FHIT: variants seen among roughly 807,000 people sequenced by gnomAD.
FHIT encodes bis(5'-adenosyl)-triphosphatase.
A neutral mutation model predicts 17.9 loss-of-function variants in FHIT; 19 were observed. The observed-to-expected ratio is 1.06, with a 90% CI of 0.74 to 1.56. FHIT has a LOEUF of 1.56. FHIT is among the 40% of genes most tolerant of loss of function. FHIT has a pLI of 0.00. For missense variants in FHIT, 248 were observed against 189.2 expected (o/e 1.31, Z -1.82); for synonymous variants, 81 against 69.7 (o/e 1.16, Z -0.81).
intron 5 of FHIT, among the ~76,000 whole-genome samples, chr3:60,414,198 T>C (rs555849974): frequency 6.6e-6 from 1 of 152,188 alleles, no homozygotes; most frequent in Admixed American, 6.5e-5. Context: ...CTTGTTAAAC[T>C]AGATTGCTGA....
chr3:60,729,225 A>T (rs2041978732), intron 4 of FHIT, among the ~76,000 whole-genome samples: 1 of 152,220 alleles, frequency 6.6e-6, no homozygotes, highest in South Asian at 2.1e-4. Flanking sequence ...GATTTTTCCA[A>T]TTACATGAAT....
At chr3:61,074,779 A>C (rs552422834) in intron 2 of FHIT, among the ~76,000 whole-genome samples, 3 of 152,294 alleles carry the variant, frequency 2.0e-5, no homozygotes, top group African/African-American at 7.2e-5. Context: ...AGATGGGTTA[A>C]GAGGACTGAG....
At chr3:60,828,817 G>T (rs981605641) in intron 3 of FHIT, among the ~76,000 whole-genome samples, 5 of 152,198 alleles carry the variant, frequency 3.3e-5, no homozygotes, top group Non-Finnish European at 5.9e-5. Flanking sequence ...GGCAGAGGTT[G>T]CAGTGAGCCG....
At chr3:60,168,901 G>A (rs1701298408) in intron 5 of FHIT, among the ~76,000 whole-genome samples, 1 of 152,122 alleles carries the variant, frequency 6.6e-6, no homozygotes, top group African/African-American at 2.4e-5. Context: ...TGAAAGAGCT[G>A]CAAACCCCAG....
At chr3:59,825,089 C>T (rs1024153704) in intron 8 of FHIT, among the ~76,000 whole-genome samples, 7 of 152,216 alleles carry the variant, frequency 4.6e-5, no homozygotes, top group Admixed American at 4.6e-4. Flanking sequence ...GTTGCAGTCT[C>T]CCTCTGGGGC....
At chr3:60,878,257 C>T (rs1369765974) in intron 3 of FHIT, among the ~76,000 whole-genome samples, 1 of 152,000 alleles carries the variant, frequency 6.6e-6, no homozygotes, top group African/African-American at 2.4e-5. Flanking sequence ...AACCTGTACC[C>T]CAGGACCCAA....
At chr3:61,006,133 G>A (rs1382162581) in intron 3 of FHIT, among the ~76,000 whole-genome samples, 1 of 152,102 alleles carries the variant, frequency 6.6e-6, no homozygotes, top group Admixed American at 6.6e-5. Flanking sequence ...TGGTAAACAT[G>A]CTGATGGCAA....
chr3:60,234,352 C>T (rs1559749372), intron 5 of FHIT, among the ~76,000 whole-genome samples: 1 of 152,164 alleles, frequency 6.6e-6, no homozygotes. Context: ...TAACTACTTA[C>T]ACATATTAAC....
At chr3:61,180,134 C>G (rs2038293423) in intron 2 of FHIT, among the ~76,000 whole-genome samples, 1 of 152,098 alleles carries the variant, frequency 6.6e-6, no homozygotes, top group African/African-American at 2.4e-5. Context: ...TCTTAGCGTG[C>G]CTTTCCCTCA....
At chr3:60,583,347 C>T (rs375843600) in intron 4 of FHIT, among the ~76,000 whole-genome samples, 2 of 151,880 alleles carry the variant, frequency 1.3e-5, no homozygotes, top group African/African-American at 4.8e-5. Context: ...GACTTATTTC[C>T]TAGATCAGGG....
chr3:60,864,272 A>T (rs1212933578), intron 3 of FHIT, among the ~76,000 whole-genome samples: 1 of 152,140 alleles, frequency 6.6e-6, no homozygotes, highest in Non-Finnish European at 1.5e-5. Context: ...ACCATAGCAG[A>T]GACAGACCCA....
At chr3:61,070,805 C>G (rs755414051) in intron 2 of FHIT, among the ~76,000 whole-genome samples, 3 of 152,152 alleles carry the variant, frequency 2.0e-5, no homozygotes, top group Non-Finnish European at 4.4e-5. Context: ...GATGGTGCAG[C>G]CCCTCATCCA....
At chr3:59,947,644 C>T (rs1399313598) in intron 7 of FHIT, among the ~76,000 whole-genome samples, 1 of 152,136 alleles carries the variant, frequency 6.6e-6, no homozygotes, top group Non-Finnish European at 1.5e-5. Context: ...TATGCTGCAA[C>T]CCTGGGGGGG....
intron 5 of FHIT, among the ~76,000 whole-genome samples, chr3:60,532,141 G>A (rs934373026): frequency 6.6e-6 from 1 of 152,122 alleles, no homozygotes; most frequent in Non-Finnish European, 1.5e-5. Context: ...CGTATGATTT[G>A]TAGAATACAG....
At chr3:60,810,931 G>A (rs55852501) in intron 4 of FHIT, among the ~76,000 whole-genome samples, 7,777 of 152,134 alleles carry the variant, frequency 0.051, 213 homozygotes, top group South Asian at 0.084. Context: ...ATGATTCAGC[G>A]TACTGGAAAA....
intron 7 of FHIT, among the ~76,000 whole-genome samples, chr3:59,923,364 T>C (rs1389457389): frequency 6.6e-6 from 1 of 152,060 alleles, no homozygotes; most frequent in African/African-American, 2.4e-5. Context: ...TGAGGTTGCC[T>C]GGCTTTGGCT....
intron 8 of FHIT, among the ~76,000 whole-genome samples, chr3:59,877,566 C>T (rs55903427): frequency 0.022 from 3,339 of 152,216 alleles, 47 homozygotes; most frequent in South Asian, 0.064. Flanking sequence ...TTCAGAAATA[C>T]GAGTGGAGAG....
chr3:59,771,447 TAAAG>T (rs1702069392), intron 8 of FHIT, among the ~76,000 whole-genome samples: 1 of 152,134 alleles, frequency 6.6e-6, no homozygotes, highest in African/African-American at 2.4e-5. Flanking sequence ...TGACACCAGA[TAAAG>T]AAGGGAGGTC....
At chr3:60,262,750 A>G (rs1003841318) in intron 5 of FHIT, among the ~76,000 whole-genome samples, 1 of 151,916 alleles carries the variant, frequency 6.6e-6, no homozygotes, top group Non-Finnish European at 1.5e-5. Context: ...TGACGGCAAA[A>G]CAATCCCAGC....
Sources: gnomAD v4.1 joint callset for allele counts (sites outside exome capture counted in the v4.1 genomes callset) on GRCh38, gnomAD v4.1.1 for gene constraint, MANE v1.5 for transcripts, NCBI Gene and HGNC (gene_info 2026-07-23, HGNC 2026-07-21) for gene names.